The following KAZN variants were observed in gnomAD, a reference collection of about 807,000 sequenced individuals.
KAZN encodes kazrin.
A neutral mutation model predicts 87.4 loss-of-function variants in KAZN; 40 were observed. The observed-to-expected ratio is 0.46, with a 90% confidence interval of 0.36 to 0.60. The LOEUF is 0.60. Ranked by LOEUF, KAZN falls within the 20% of genes least tolerant of loss-of-function variation. KAZN has a pLI of 0.00. For missense variants in KAZN, 898 were observed against 1,073.9 expected (o/e 0.84, Z 2.29); for synonymous variants, 466 against 458.3 (o/e 1.02, Z -0.22).
intron 1 of KAZN, among the ~76,000 whole-genome samples, chr1:13,987,972 A>G (rs907696594): frequency 3.3e-5 from 5 of 152,186 alleles, no homozygotes. Flanking sequence ...CAGAAGGGCA[A>G]GAAAGGATGA....
rs575201050 is a variant in KAZN at position 13,944,705 on chromosome 1, G to A, written c.91+50949G>A. ...AAGGATGTGTGTCATTATCTCTATG[G>A]TAACCACTAATAGAAGGGTGAAAAA... On this transcript the variant is annotated intron_variant, in intron 1 of 16. Transcript: ENST00000636203. Among the ~76,000 whole-genome samples the A allele has an allele frequency of 1.3e-4, 20 of 152,196 alleles. No homozygotes were observed. In the South Asian group the frequency reaches 4.1e-3, roughly 32 times the overall value.
intron 1 of KAZN, among the ~76,000 whole-genome samples, chr1:13,940,784 A>AT (rs1379306027): frequency 3.3e-5 from 5 of 152,160 alleles, no homozygotes; most frequent in African/African-American, 7.2e-5. Flanking sequence ...CTTGGGTTCC[A>AT]TTTTTTTAAA....
chr1:14,197,120 G>C (rs1041719026), intron 2 of KAZN, among the ~76,000 whole-genome samples: 7 of 152,022 alleles, frequency 4.6e-5, no homozygotes, highest in African/African-American at 1.2e-4. Context: ...GAATGGGGAG[G>C]GGGGTAGAGA....
chr1:14,581,680 T>C (rs932567777), intron 2 of KAZN, among the ~76,000 whole-genome samples: 1 of 152,202 alleles, frequency 6.6e-6, no homozygotes, highest in Non-Finnish European at 1.5e-5. Context: ...TGGCCTCATC[T>C]GCTGCCCACA....
chr1:15,006,901 A>C (rs1366931485), intron 2 of KAZN, among the ~76,000 whole-genome samples: 1 of 151,886 alleles, frequency 6.6e-6, no homozygotes, highest in Admixed American at 6.5e-5. Flanking sequence ...CTAAAAATAC[A>C]AAAAAACTAG....
chr1:14,338,992 A>G (rs1024127448), intron 2 of KAZN, among the ~76,000 whole-genome samples: 1 of 151,674 alleles, frequency 6.6e-6, no homozygotes, highest in African/African-American at 2.4e-5. Context: ...TGTGATGAAG[A>G]TGTCACAGTT....
At chr1:15,032,438 C>G (rs1028654003) in intron 2 of KAZN, among the ~76,000 whole-genome samples, 1 of 151,456 alleles carries the variant, frequency 6.6e-6, no homozygotes, top group African/African-American at 2.4e-5. Context: ...GTGATCTGCC[C>G]GCCTCAGCCT....
chr1:14,177,481 T>C (rs1646104570), intron 1 of KAZN, among the ~76,000 whole-genome samples: 1 of 152,230 alleles, frequency 6.6e-6, no homozygotes, highest in South Asian at 2.1e-4. Flanking sequence ...CTTTTGTTTA[T>C]CTAAAAAAGT....
At chr1:14,300,082 G>A (rs1474049144) in intron 2 of KAZN, among the ~76,000 whole-genome samples, 4 of 152,068 alleles carry the variant, frequency 2.6e-5, no homozygotes, top group Non-Finnish European at 5.9e-5. Flanking sequence ...AAACGCAAAG[G>A]TGCTGTGGCA....
intron 8 of KAZN, among the ~76,000 whole-genome samples, chr1:15,076,270 T>C (rs937825051): frequency 6.6e-6 from 1 of 152,134 alleles, no homozygotes; most frequent in East Asian, 1.9e-4. Context: ...AATTCCAAAT[T>C]CCTTGCATCT....
chr1:14,813,337 G>A (rs769876617), intron 1 of KAZN, among the ~76,000 whole-genome samples: 62 of 152,242 alleles, frequency 4.1e-4, no homozygotes, highest in African/African-American at 8.9e-4. Flanking sequence ...GAAGCCTTGC[G>A]GTTTCCACCT....
At chr1:14,929,748 T>A (rs1659591168) in intron 1 of KAZN, 2 of 985,004 alleles carry the variant, frequency 2.0e-6, no homozygotes, top group Non-Finnish European at 2.4e-6. Context: ...TTAATGGATT[T>A]ACTCTCCGTG....
intron 1 of KAZN, among the ~76,000 whole-genome samples, chr1:14,790,525 A>G (rs1432495176): frequency 6.6e-6 from 1 of 152,172 alleles, no homozygotes; most frequent in African/African-American, 2.4e-5. Context: ...CACCATCACC[A>G]CTATCTAATT....
chr1:13,896,473 G>T (rs1400991044), intron 1 of KAZN, among the ~76,000 whole-genome samples: 1 of 151,930 alleles, frequency 6.6e-6, no homozygotes, highest in Non-Finnish European at 1.5e-5. Flanking sequence ...AATTTTTTTT[G>T]TAGAGATGAA....
In KAZN at chr1:14,996,760, A is replaced by G. The variant is rs1667907851; in HGVS notation, c.418+35885A>G. On this transcript the variant is annotated intron_variant, in intron 2 of 14. Coordinates refer to ENST00000376030, the MANE Select transcript of KAZN (RefSeq NM_201628.3). This position sits in a 1 kb window ranked among gnomAD's most constrained non-coding sequence, Gnocchi z 5.9. ...CAGGAGAAAGGGCTGATGCTCCCAA[A>G]GGCAGGCCACTTGCAGGAAGACACA... Among the ~76,000 whole-genome samples the G allele has an allele frequency of 1.3e-5, 2 of 152,102 alleles. No individual in the cohort carries two copies. Among genetic ancestry groups the G allele is most frequent in the Admixed American group, 1.3e-4 (2 of 15,268 alleles).
At chr1:14,960,944 T>C (rs1278242846) in intron 2 of KAZN, 69 bp downstream of exon 2, 7 of 1,477,914 alleles carry the variant, frequency 4.7e-6, no homozygotes, top group Non-Finnish European at 6.4e-6. Flanking sequence ...GTCCTCCCCA[T>C]GCAGGGGAAG....
At chr1:14,655,119 G>T (rs1638705247) in intron 1 of KAZN, among the ~76,000 whole-genome samples, 1 of 152,188 alleles carries the variant, frequency 6.6e-6, no homozygotes, top group Admixed American at 6.5e-5. Flanking sequence ...TGGTGCTGCT[G>T]CTCCTGGCCT....
At chr1:15,078,134 G>T (rs187773306) in intron 8 of KAZN, among the ~76,000 whole-genome samples, 3 of 152,286 alleles carry the variant, frequency 2.0e-5, no homozygotes, top group Non-Finnish European at 4.4e-5. Context: ...TAAGTGATGT[G>T]CTGGATGCGG....
chr1:14,482,658 T>C (rs1669143731), intron 2 of KAZN, among the ~76,000 whole-genome samples: 1 of 152,094 alleles, frequency 6.6e-6, no homozygotes, highest in African/African-American at 2.4e-5. Flanking sequence ...GGGAGGGGTC[T>C]TGGGGCAAGG....
Sources: gnomAD v4.1 joint callset for allele counts (sites outside exome capture counted in the v4.1 genomes callset) on GRCh38, gnomAD v4.1.1 for gene constraint, Gnocchi (gnomAD v3.1) non-coding constraint, MANE v1.5 for transcripts, NCBI Gene and HGNC (gene_info 2026-07-23, HGNC 2026-07-21) for gene names.